ARHGAP35: variants seen among roughly 807,000 people sequenced by gnomAD.
ARHGAP35 encodes the protein Rho GTPase activating protein 35, also known as rho GTPase-activating protein 35.
A neutral mutation model predicts 111.1 loss-of-function variants in ARHGAP35; 15 were observed. The ratio of observed to expected loss-of-function variants is 0.13; its 90% CI spans 0.09 to 0.21. The LOEUF is 0.21. Among genes scored for constraint, ARHGAP35 ranks in the 10% least tolerant of loss-of-function variants. The probability of loss-of-function intolerance (pLI) is 1.00; values close to 1 mark genes in which losing one functional copy is unlikely to be tolerated. For synonymous variants in ARHGAP35, 643 were observed against 710.3 expected, an observed-to-expected ratio of 0.91 and a Z score of 1.51; for missense variants, 1,262 against 1,873.0, an observed-to-expected ratio of 0.67 and a Z score of 6.02.
chr19:46,942,439 C>A (rs569344228), intron 3 of ARHGAP35, among the ~76,000 whole-genome samples: 34 of 152,138 alleles, frequency 2.2e-4, no homozygotes, highest in Admixed American at 4.6e-4. Flanking sequence ...TCCAGACCAG[C>A]CTGACCAACA....
rs183083969 is a variant in ARHGAP35 at position 46,975,247 on chromosome 19, A to G, written c.3827-12742A>G. Among the ~76,000 whole-genome samples the G allele has an allele frequency of 6.6e-5, 10 of 152,290 alleles. No individual in the cohort carries two copies. The East Asian group carries it at 1.9e-3, about 29-fold the overall frequency. On this transcript the variant is annotated intron_variant, in intron 3 of 6. Transcript: ENST00000672722. ...CCAAGACTTTGGGGAACTCTGTGCT[A>G]GGAGCCGGGGACAAAAACCAAATAT...
At chr19:46,866,529 G>A (rs1158997392) in intron 1 of ARHGAP35, among the ~76,000 whole-genome samples, 1 of 152,204 alleles carries the variant, frequency 6.6e-6, no homozygotes, top group Non-Finnish European at 1.5e-5. Context: ...TTCCTAGTCT[G>A]AAGCCTGGAG....
intron 2 of ARHGAP35, among the ~76,000 whole-genome samples, chr19:46,924,726 T>TC (rs1202326866): frequency 2.0e-5 from 3 of 152,182 alleles, no homozygotes; most frequent in African/African-American, 7.2e-5. Flanking sequence ...CCTCCTCCTC[T>TC]CCCAATGAAG....
intron 1 of ARHGAP35, among the ~76,000 whole-genome samples, chr19:46,865,339 C>T (rs2055849528): frequency 6.6e-6 from 1 of 152,192 alleles, no homozygotes; most frequent in Admixed American, 6.6e-5. Flanking sequence ...TTTAAGTTAT[C>T]ATCTTGTTTT....
chr19:46,945,499 A>T lies in ARHGAP35; in HGVS notation c.3826+8091A>T, dbSNP rs1356951174. Among the ~76,000 whole-genome samples the T allele has an allele frequency of 2.0e-5, 3 of 152,198 alleles. No individual in the cohort carries two copies. Among genetic ancestry groups the T allele is most frequent in the Non-Finnish European group, 4.4e-5 (3 of 68,028 alleles). On this transcript the variant is annotated intron_variant, in intron 3 of 6. Coordinates refer to ENST00000672722, the MANE Select transcript of ARHGAP35 (RefSeq NM_004491.5). The surrounding 1 kb of genome is among the most constrained non-coding windows in gnomAD (Gnocchi z 4.1). Reference sequence around the variant, plus strand: ...GGGTAAAGTACACTCTTGATAGCTCATGGTGGTCACAAGACTGAGGTTTTA... The same window carrying T: ...GGGTAAAGTACACTCTTGATAGCTCTTGGTGGTCACAAGACTGAGGTTTTA...
chr19:46,946,469 C>T (rs2056380128), intron 3 of ARHGAP35: 1 of 152,236 alleles, frequency 6.6e-6, no homozygotes, highest in Non-Finnish European at 1.5e-5. Flanking sequence ...AACCCAGGCT[C>T]TGCCTCTCAG....
intron 3 of ARHGAP35, among the ~76,000 whole-genome samples, chr19:46,980,849 T>C (rs2056616981): frequency 6.6e-6 from 1 of 152,212 alleles, no homozygotes; most frequent in Non-Finnish European, 1.5e-5. Flanking sequence ...ATTAGGATAA[T>C]AGCTACTCTC....
intron 3 of ARHGAP35, among the ~76,000 whole-genome samples, chr19:46,946,321 G>A (rs934849759): frequency 2.0e-5 from 3 of 152,202 alleles, no homozygotes; most frequent in Non-Finnish European, 2.9e-5. Flanking sequence ...GTACATCTCA[G>A]TCCTCTGTCA....
chr19:46,963,496 A>AT (rs1182186039), intron 3 of ARHGAP35, among the ~76,000 whole-genome samples: 1 of 151,512 alleles, frequency 6.6e-6, no homozygotes, highest in African/African-American at 2.4e-5. Context: ...AATCCCATCT[A>AT]TTTTCCAAGC....
Position 46,922,416 on chromosome 19 carries a change from T to A in ARHGAP35, c.3681+60T>A. On this transcript the variant is annotated intron_variant, in intron 2 of 6. Coordinates refer to ENST00000672722, the MANE Select transcript of ARHGAP35 (RefSeq NM_004491.5). This position sits in a 1 kb window ranked among gnomAD's most constrained non-coding sequence, Gnocchi z 4.0. ...TGTACAGCGTCTCGGTGAGGGTTGA[T>A]TGATGATGATTTTTCAAGGACAACC... 1 of 1,409,422 alleles carries A rather than the reference T, an allele frequency of 7.1e-7. No homozygotes were observed. Among genetic ancestry groups the A allele is most frequent in the Non-Finnish European group, 9.3e-7 (1 of 1,070,386 alleles). 87.3% of individuals were successfully genotyped at this position (1,409,422 alleles called of 1,614,324 possible). A position where few individuals can be genotyped will look rare whatever the true frequency, so the allele number is the denominator to read the frequency against.
chr19:46,984,345 C>G (rs1342806536), intron 3 of ARHGAP35, among the ~76,000 whole-genome samples: 4 of 152,092 alleles, frequency 2.6e-5, no homozygotes, highest in Non-Finnish European at 5.9e-5. Context: ...GTGGGGTGTT[C>G]TAGACACAAA....
intron 3 of ARHGAP35, among the ~76,000 whole-genome samples, chr19:46,966,048 A>G (rs111601390): frequency 3.3e-4 from 50 of 152,298 alleles, no homozygotes; most frequent in Admixed American, 1.6e-3. Context: ...CCCAGCCTCA[A>G]TACCTAGCTT....
intron 5 of ARHGAP35, among the ~76,000 whole-genome samples, chr19:46,995,146 G>A (rs917335397): frequency 3.3e-5 from 5 of 152,218 alleles, no homozygotes; most frequent in African/African-American, 1.2e-4. Flanking sequence ...ACTGGGTACA[G>A]TGGCTCATAC....
At position 47,001,548 on chromosome 19, in the gene ARHGAP35, C is replaced by A; in HGVS notation, c.*860C>A. 1.9e-6 allele frequency: 1 copy of A among 527,876 alleles called. No homozygotes were observed. Among genetic ancestry groups the A allele is most frequent in the Non-Finnish European group, 3.0e-6 (1 of 329,892 alleles). 32.7% of individuals were successfully genotyped at this position (527,876 alleles called of 1,614,324 possible). On this transcript the variant is annotated 3_prime_UTR_variant, in exon 7 of 7. Transcript: ENST00000672722. The surrounding 1 kb of genome is among the most constrained non-coding windows in gnomAD (Gnocchi z 5.4). ...AAAACCAGGATGCCTGGAGCTGTGG[C>A]CTGAGGGCCTGCTGGGGTCCCACTC... is the stretch of plus-strand genomic sequence containing the variant.
chr19:46,888,837 C>CAAAAAAAA (rs769595005), intron 1 of ARHGAP35, among the ~76,000 whole-genome samples: 99 of 57,326 alleles, frequency 1.7e-3, no homozygotes, highest in Admixed American at 4.1e-3. Context: ...ACTAAAAATA[C>CAAAAAAAA]AAAAAAAAAA....
chr19:46,862,230 C>T (rs747602430), intron 1 of ARHGAP35, among the ~76,000 whole-genome samples: 152 of 152,130 alleles, frequency 1.0e-3, no homozygotes, highest in Non-Finnish European at 1.8e-3. Context: ...CTCTGCAGGT[C>T]TCCCATTTCT....
At chr19:46,888,258 A>C (rs1490470761) in intron 1 of ARHGAP35, among the ~76,000 whole-genome samples, 1 of 72,838 alleles carries the variant, frequency 1.4e-5, no homozygotes, top group African/African-American at 5.3e-5. Context: ...GGCCTCAATC[A>C]ATAATATATA....
intron 1 of ARHGAP35, among the ~76,000 whole-genome samples, chr19:46,875,756 C>T (rs991629000): frequency 3.3e-5 from 5 of 152,030 alleles, no homozygotes; most frequent in South Asian, 2.1e-4. Context: ...TTCAGGTAAG[C>T]GAGCATGTGA....
chr19:46,867,229 C>T (rs1352798549), intron 1 of ARHGAP35, among the ~76,000 whole-genome samples: 1 of 152,226 alleles, frequency 6.6e-6, no homozygotes, highest in Non-Finnish European at 1.5e-5. Context: ...GCCTATCTCT[C>T]TCATCTTCCT....
Sources: allele counts gnomAD v4.1 joint callset (sites outside exome capture counted in the v4.1 genomes callset), GRCh38; gene constraint gnomAD v4.1.1; non-coding constraint Gnocchi (gnomAD v3.1); transcripts MANE v1.5; gene names NCBI Gene and HGNC (gene_info 2026-07-23, HGNC 2026-07-21).